The following AFAP1 variants were observed in gnomAD, a reference collection of about 807,000 sequenced individuals.
AFAP1 encodes the protein actin filament-associated protein 1.
Under a neutral mutation model 93.9 loss-of-function variants are expected in AFAP1, and 75 were observed. That is an observed-to-expected ratio of 0.80 (90% CI 0.66 to 0.97). AFAP1 has a LOEUF of 0.97. Ranked by LOEUF, AFAP1 falls within the 50% of genes least tolerant of loss-of-function variation. AFAP1 has a pLI of 0.00. For synonymous variants in AFAP1, 517 were observed against 430.7 expected (o/e 1.20, Z -2.48); for missense variants, 1,201 against 1,050.8 (o/e 1.14, Z -1.98).
chr4:7,774,391 G>A (rs1042378354), intron 15 of AFAP1: 5 of 250,474 alleles, frequency 2.0e-5, no homozygotes, highest in African/African-American at 9.0e-5. Flanking sequence ...CTCCTACCCG[G>A]TGACCAGAAT....
chr4:7,804,208 C>T (rs1368736111), intron 9 of AFAP1, among the ~76,000 whole-genome samples: 6 of 152,192 alleles, frequency 3.9e-5, no homozygotes, highest in Non-Finnish European at 7.3e-5. Context: ...CCAGGTGGTG[C>T]CAGAGTGCAG....
Position 7,786,246 on chromosome 4 carries a change from TGG to T in AFAP1, c.1476_1477del (p.His493ProfsTer9), listed in dbSNP as rs1225068484. The T allele has an allele frequency of 6.2e-7, 1 of 1,614,170 alleles. No homozygotes were observed. The highest frequency in any genetic ancestry group is 8.5e-7 in the Non-Finnish European group (1 of 1,180,030). Reference sequence around the variant, plus strand: ...ATAATGAAGTGCCGTCCCGCTGGGGTGGGCATAGCCGTTGGAGGTGCCCCCTA... The same window carrying T: ...ATAATGAAGTGCCGTCCCGCTGGGGTGCATAGCCGTTGGAGGTGCCCCCTA... On this transcript the variant is annotated frameshift_variant, in exon 12 of 18. Coordinates refer to ENST00000420658, the MANE Select transcript of AFAP1 (RefSeq NM_001134647.2). LOFTEE classifies it high-confidence loss of function.
chr4:7,804,330 T>G (rs1215708013), intron 9 of AFAP1, among the ~76,000 whole-genome samples: 1 of 152,246 alleles, frequency 6.6e-6, no homozygotes, highest in Non-Finnish European at 1.5e-5. Flanking sequence ...CAGATAGAAC[T>G]GATTTTATTT....
At chr4:7,891,103 T>C (rs780554749) in intron 1 of AFAP1, among the ~76,000 whole-genome samples, 47 of 151,638 alleles carry the variant, frequency 3.1e-4, no homozygotes, top group Non-Finnish European at 5.0e-4. Flanking sequence ...AAAAAATAAA[T>C]AAACTACTCA....
At chr4:7,863,811 A>G (rs1459262488) in intron 3 of AFAP1, among the ~76,000 whole-genome samples, 1 of 152,248 alleles carries the variant, frequency 6.6e-6, no homozygotes, top group African/African-American at 2.4e-5. Flanking sequence ...CACTATAACA[A>G]AAGGCAATAT....
intron 3 of AFAP1, among the ~76,000 whole-genome samples, chr4:7,865,422 A>T (rs1328529338): frequency 1.3e-5 from 2 of 152,228 alleles, no homozygotes; most frequent in Non-Finnish European, 2.9e-5. Context: ...CATGTAATGT[A>T]TACCTTTTTA....
chr4:7,919,809 C>T (rs1311039410), intron 1 of AFAP1, among the ~76,000 whole-genome samples: 2 of 152,026 alleles, frequency 1.3e-5, no homozygotes, highest in African/African-American at 4.8e-5. Flanking sequence ...GCCCCACCCC[C>T]AACAGGCCCC....
Position 7,884,672 on chromosome 4 carries a change from C to G in AFAP1, c.-2-12592G>C, listed in dbSNP as rs553236571. On this transcript the variant is annotated intron_variant, in intron 1 of 17. Coordinates refer to ENST00000420658, the MANE Select transcript of AFAP1 (RefSeq NM_001134647.2). ...GATGAAACTCCTTACCTTACGTACACCAGAAAAACTCTAAAGATACTTGAA... is the reference window on the plus strand; with the variant it reads ...GATGAAACTCCTTACCTTACGTACAGCAGAAAAACTCTAAAGATACTTGAA... Among the ~76,000 whole-genome samples the G allele has an allele frequency of 5.3e-5, 8 of 152,220 alleles. No individual in the cohort carries two copies. In the East Asian group the frequency reaches 1.5e-3, roughly 29 times the overall value.
intron 5 of AFAP1, among the ~76,000 whole-genome samples, chr4:7,839,097 G>C (rs966861114): frequency 6.6e-6 from 1 of 152,212 alleles, no homozygotes; most frequent in Non-Finnish European, 1.5e-5. Context: ...CACTTTGGGA[G>C]GCTGAGGCAG....
chr4:7,794,123 A>G (rs1718160734), intron 10 of AFAP1, among the ~76,000 whole-genome samples: 1 of 152,166 alleles, frequency 6.6e-6, no homozygotes, highest in Non-Finnish European at 1.5e-5. Flanking sequence ...AACAGGATTA[A>G]TTGCATCCCG....
intron 1 of AFAP1, among the ~76,000 whole-genome samples, chr4:7,900,765 C>T (rs908606671): frequency 6.6e-6 from 1 of 152,192 alleles, no homozygotes; most frequent in African/African-American, 2.4e-5. Flanking sequence ...GACTCAAATA[C>T]TGTTACGTGG....
chr4:7,786,549 C>T (rs1717282702), intron 11 of AFAP1, among the ~76,000 whole-genome samples: 1 of 152,152 alleles, frequency 6.6e-6, no homozygotes, highest in East Asian at 1.9e-4. Context: ...TAACCAACAC[C>T]AGGTACACGC....
chr4:7,763,996 A>C (rs546781203), intron 17 of AFAP1, among the ~76,000 whole-genome samples: 1 of 152,120 alleles, frequency 6.6e-6, no homozygotes, highest in Non-Finnish European at 1.5e-5. Flanking sequence ...CAGATACCAC[A>C]CACCCCGTTC....
chr4:7,932,394 G>C (rs1164143264), intron 1 of AFAP1, among the ~76,000 whole-genome samples: 2 of 152,116 alleles, frequency 1.3e-5, no homozygotes, highest in African/African-American at 4.8e-5. Context: ...CTTCAGCCTT[G>C]AAACAATCAG....
At chr4:7,847,234 C>T (rs917534306) in intron 4 of AFAP1, among the ~76,000 whole-genome samples, 11 of 152,106 alleles carry the variant, frequency 7.2e-5, no homozygotes, top group African/African-American at 2.4e-4. Context: ...GTATGCTTAG[C>T]GATGACCCAA....
At chr4:7,918,535 T>A (rs1386089305) in intron 1 of AFAP1, among the ~76,000 whole-genome samples, 1 of 117,136 alleles carries the variant, frequency 8.5e-6, no homozygotes, top group East Asian at 3.0e-4. Flanking sequence ...TCGGCCCAGG[T>A]CACCAAGAAA....
At chr4:7,814,027 C>A (rs1411027935) in intron 8 of AFAP1, among the ~76,000 whole-genome samples, 1 of 152,200 alleles carries the variant, frequency 6.6e-6, no homozygotes, top group East Asian at 1.9e-4. Context: ...ACTCTCCCTC[C>A]ACAGCCACAA....
At chr4:7,813,070 T>C (rs938346655) in intron 8 of AFAP1, among the ~76,000 whole-genome samples, 5 of 152,112 alleles carry the variant, frequency 3.3e-5, no homozygotes, top group African/African-American at 1.2e-4. Context: ...CCAGAGTCGT[T>C]CCCTGTGGCT....
chr4:7,931,872 T>G (rs968717612), intron 1 of AFAP1, among the ~76,000 whole-genome samples: 5 of 152,180 alleles, frequency 3.3e-5, no homozygotes, highest in Middle Eastern at 3.4e-3. Flanking sequence ...TTCTTTTTCT[T>G]TTTTTTGAGA....
Sources: gnomAD v4.1 joint callset for allele counts (sites outside exome capture counted in the v4.1 genomes callset) on GRCh38, gnomAD v4.1.1 for gene constraint, MANE v1.5 for transcripts, NCBI Gene and HGNC (gene_info 2026-07-23, HGNC 2026-07-21) for gene names.